XPR1: variants seen among roughly 807,000 people sequenced by gnomAD.
XPR1 encodes xenotropic and polytropic retrovirus receptor 1.
A neutral mutation model predicts 87.5 loss-of-function variants in XPR1; 28 were observed. That is an observed-to-expected ratio of 0.32 (90% CI 0.24 to 0.44). The LOEUF (loss-of-function observed/expected upper bound fraction) is 0.44, where lower values mean the gene tolerates loss of function less well. Among genes scored for constraint, XPR1 ranks in the 20% least tolerant of loss-of-function variants. The probability of loss-of-function intolerance (pLI) is 1.00; values close to 1 mark genes in which losing one functional copy is unlikely to be tolerated. For missense variants in XPR1, 559 were observed against 862.3 expected (o/e 0.65, Z 4.41); for synonymous variants, 300 against 306.1 (o/e 0.98, Z 0.21).
At chr1:180,699,449 G>A (rs1009824336) in intron 2 of XPR1, among the ~76,000 whole-genome samples, 12 of 105,932 alleles carry the variant, frequency 1.1e-4, no homozygotes, top group African/African-American at 4.6e-4. Context: ...CCACCTATGA[G>A]TGAGAATATG....
chr1:180,747,263 A>G (rs902497125), intron 2 of XPR1, among the ~76,000 whole-genome samples: 1 of 152,192 alleles, frequency 6.6e-6, no homozygotes, highest in Non-Finnish European at 1.5e-5. Flanking sequence ...TCATACGGTT[A>G]TTGTAGTTAC....
intron 2 of XPR1, among the ~76,000 whole-genome samples, chr1:180,712,737 C>T (rs542088956): frequency 2.0e-5 from 3 of 151,972 alleles, no homozygotes; most frequent in South Asian, 4.2e-4. Flanking sequence ...ACCTGGGAGG[C>T]GGAGGTTGCA....
At chr1:180,874,455 C>G (rs1054551378) in intron 13 of XPR1, among the ~76,000 whole-genome samples, 2 of 151,992 alleles carry the variant, frequency 1.3e-5, no homozygotes. Context: ...TTTGGGAGGC[C>G]GAGGCCGGTG....
intron 2 of XPR1, among the ~76,000 whole-genome samples, chr1:180,698,272 C>T (rs570814449): frequency 9.9e-5 from 15 of 152,026 alleles, no homozygotes; most frequent in African/African-American, 3.1e-4. Flanking sequence ...TTTCCATTTG[C>T]GGGAGATATT....
Position 180,721,744 on chromosome 1 carries a change from A to G in XPR1, c.121+39333A>G, listed in dbSNP as rs553293380. The stretch of plus-strand genomic sequence containing the variant: ...CTTCCTCCTTTTCCTCAGCATATTC[A>G]ATGTGAAGTCATTGAGGATAAAGAT... On this transcript the variant is annotated intron_variant, in intron 2 of 14. Transcript: ENST00000367590. Among the ~76,000 whole-genome samples the G allele has an allele frequency of 1.8e-3, 277 of 152,308 alleles. 1 individual carries two copies. Among genetic ancestry groups the G allele is most frequent in the African/African-American group, 5.4e-3 (226 of 41,568 alleles).
chr1:180,688,515 T>C (rs1046575766), intron 2 of XPR1, among the ~76,000 whole-genome samples: 1 of 152,144 alleles, frequency 6.6e-6, no homozygotes, highest in African/African-American at 2.4e-5. Context: ...ATTGTGGGGT[T>C]TTTATAATTC....
At chr1:180,664,136 G>A (rs1223817761) in intron 1 of XPR1, among the ~76,000 whole-genome samples, 2 of 152,086 alleles carry the variant, frequency 1.3e-5, no homozygotes, top group Admixed American at 1.3e-4. Flanking sequence ...TCCTACTGTC[G>A]ATGAGCTGGT....
intron 11 of XPR1, among the ~76,000 whole-genome samples, chr1:180,854,593 T>TG (rs113195086): frequency 3.0e-4 from 45 of 152,142 alleles, no homozygotes; most frequent in African/African-American, 1.1e-3. Context: ...AAGGAATGCT[T>TG]TGTAAGGCTA....
chr1:180,696,208 G>GTATATATATATATATATA (rs71121045), intron 2 of XPR1, among the ~76,000 whole-genome samples: 2 of 88,566 alleles, frequency 2.3e-5, no homozygotes, highest in South Asian at 4.8e-4. Context: ...GTGTGTGTGT[G>GTATATATATATATATATA]TATATATATA....
At chr1:180,883,248 C>T (rs1181316153) in intron 14 of XPR1, among the ~76,000 whole-genome samples, 1 of 150,862 alleles carries the variant, frequency 6.6e-6, no homozygotes, top group African/African-American at 2.4e-5. Context: ...TTACAGGAAC[C>T]AGCCAGTTTC....
intron 2 of XPR1, among the ~76,000 whole-genome samples, chr1:180,780,707 G>A (rs1417870143): frequency 3.3e-5 from 5 of 149,468 alleles, no homozygotes; most frequent in Admixed American, 6.7e-5. Flanking sequence ...GGCGGAGCTT[G>A]CAGTGAGCAG....
At chr1:180,796,070 A>C in intron 3 of XPR1, among the ~76,000 whole-genome samples, 1 of 152,144 alleles carries the variant, frequency 6.6e-6, no homozygotes. Flanking sequence ...GGCCTCCAAA[A>C]GTGCTGGGAT....
intron 2 of XPR1, among the ~76,000 whole-genome samples, chr1:180,772,212 T>C (rs759103265): frequency 2.0e-4 from 31 of 152,318 alleles, no homozygotes; most frequent in Non-Finnish European, 2.8e-4. Context: ...TGGGAGCTTC[T>C]TCAAGTTGGA....
intron 2 of XPR1, among the ~76,000 whole-genome samples, chr1:180,765,433 T>C (rs1252789528): frequency 6.6e-6 from 1 of 152,220 alleles, no homozygotes; most frequent in Admixed American, 6.5e-5. Flanking sequence ...ATATCTCTTC[T>C]CTCTGACTAC....
chr1:180,654,674 T>A (rs1655396814), intron 1 of XPR1, among the ~76,000 whole-genome samples: 1 of 152,180 alleles, frequency 6.6e-6, no homozygotes, highest in Admixed American at 6.5e-5. Context: ...GTATTTGTAA[T>A]TTTGTGATGC....
chr1:180,748,284 A>G (rs919982008), intron 2 of XPR1, among the ~76,000 whole-genome samples: 5 of 152,054 alleles, frequency 3.3e-5, no homozygotes, highest in African/African-American at 1.2e-4. Flanking sequence ...GTTAAACACA[A>G]CCATTAATAA....
chr1:180,656,549 AT>A (rs1263323109), intron 1 of XPR1, among the ~76,000 whole-genome samples: 14 of 70,298 alleles, frequency 2.0e-4, no homozygotes, highest in African/African-American at 3.3e-4. Flanking sequence ...ATATTTATAT[AT>A]TTATATGTAT....
chr1:180,638,079 T>C (rs1654846203), intron 1 of XPR1, among the ~76,000 whole-genome samples: 1 of 152,222 alleles, frequency 6.6e-6, no homozygotes, highest in Non-Finnish European at 1.5e-5. Flanking sequence ...AAAACTTTTT[T>C]GTTTTTTTAA....
At chr1:180,751,568 T>G (rs1398395645) in intron 2 of XPR1, among the ~76,000 whole-genome samples, 1 of 152,124 alleles carries the variant, frequency 6.6e-6, no homozygotes, top group African/African-American at 2.4e-5. Context: ...AGCAAGATAT[T>G]TTACAGTAAA....
Sources: gnomAD v4.1 joint callset for allele counts (sites outside exome capture counted in the v4.1 genomes callset) on GRCh38, gnomAD v4.1.1 for gene constraint, MANE v1.5 for transcripts, NCBI Gene and HGNC (gene_info 2026-07-23, HGNC 2026-07-21) for gene names.